Variants in TNFRSF8 observed in about 807,000 individuals in gnomAD.
The protein encoded by TNFRSF8 is TNF receptor superfamily member 8, also known as tumor necrosis factor receptor superfamily member 8.
A neutral mutation model predicts 70.8 loss-of-function variants in TNFRSF8; 26 were observed. The observed-to-expected ratio is 0.37, with a 90% CI of 0.27 to 0.51. The LOEUF (loss-of-function observed/expected upper bound fraction) is 0.51. TNFRSF8 is among the 20% of genes least tolerant of loss of function. The probability of loss-of-function intolerance (pLI) is 0.94; values close to 1 mark genes in which losing one functional copy is unlikely to be tolerated. For missense variants in TNFRSF8, 720 were observed against 807.9 expected, an observed-to-expected ratio of 0.89 and a Z score of 1.32; for synonymous variants, 356 against 339.2, an observed-to-expected ratio of 1.05 and a Z score of -0.54.
intron 2 of TNFRSF8, among the ~76,000 whole-genome samples, chr1:12,087,367 C>T (rs1232964798): frequency 2.0e-5 from 3 of 151,910 alleles, no homozygotes; most frequent in Non-Finnish European, 4.4e-5. Flanking sequence ...GGGGTTTCAC[C>T]GTGTTGGCCA....
At chr1:12,086,544 C>A (rs1271417553) in intron 2 of TNFRSF8, among the ~76,000 whole-genome samples, 1 of 151,066 alleles carries the variant, frequency 6.6e-6, no homozygotes, top group African/African-American at 2.4e-5. Context: ...ACCCACCCCT[C>A]CCATCCCCTT....
At position 12,084,518 on chromosome 1, in the gene TNFRSF8, G is replaced by A; in HGVS notation, c.118G>A (p.Ala40Thr). Residue 40 changes from alanine (A) to threonine (T), a missense_variant, in exon 2 of 15, where the codon GCT becomes ACT. Coordinates refer to ENST00000263932, the MANE Select transcript of TNFRSF8 (RefSeq NM_001243.5). ...AAACCCCAGCCACTACTATGACAAG[G>A]CTGTCAGGAGGTGCTGTTACCGCTG... Reference protein sequence around the residue: ...HGNPSHYYDKAVRRCCYRCPM... With the variant: ...HGNPSHYYDKTVRRCCYRCPM... 1 of 1,614,046 alleles carries A rather than the reference G, an allele frequency of 6.2e-7. No homozygotes were observed. Among genetic ancestry groups the A allele is most frequent in the African/African-American group, 1.3e-5 (1 of 75,024 alleles).
intron 1 of TNFRSF8, among the ~76,000 whole-genome samples, chr1:12,068,598 G>A (rs1640783558): frequency 6.6e-6 from 1 of 152,190 alleles, no homozygotes; most frequent in Non-Finnish European, 1.5e-5. Context: ...CCTTGCTGGT[G>A]GGGAGGGACT....
intron 3 of TNFRSF8, among the ~76,000 whole-genome samples, chr1:12,098,889 A>G (rs1641373130): frequency 6.6e-6 from 1 of 152,228 alleles, no homozygotes; most frequent in Admixed American, 6.5e-5. Context: ...TATTCCTTAC[A>G]CAAATTTTAC....
At chr1:12,083,356 T>A (rs1238335885) in intron 1 of TNFRSF8, among the ~76,000 whole-genome samples, 1 of 152,174 alleles carries the variant, frequency 6.6e-6, no homozygotes, top group Non-Finnish European at 1.5e-5. Flanking sequence ...ACAGGAATGT[T>A]CCCAGCAGCA....
At chr1:12,079,180 G>A (rs546327433) in intron 1 of TNFRSF8, among the ~76,000 whole-genome samples, 1 of 152,228 alleles carries the variant, frequency 6.6e-6, no homozygotes, top group Non-Finnish European at 1.5e-5. Flanking sequence ...TTTTGAAAGT[G>A]AACTTTAACT....
rs566500488 is a variant in TNFRSF8 at position 12,136,704 on chromosome 1, A to G, written c.1335+1091A>G. 2.6e-5 allele frequency among the ~76,000 whole-genome samples: 4 copies of G among 151,360 alleles called. No homozygotes were observed. The East Asian group carries it at 7.8e-4, about 29-fold the overall frequency. On this transcript the variant is annotated intron_variant, in intron 13 of 14. Transcript: ENST00000263932. ...AGCCTTCATATTATTATGAAAGAGT[A>G]TTCAAGAGTATGTATTAAGGTTGGT...
intron 12 of TNFRSF8, among the ~76,000 whole-genome samples, chr1:12,129,223 GTT>G (rs1642001637): frequency 6.6e-6 from 1 of 151,594 alleles, no homozygotes; most frequent in Non-Finnish European, 1.5e-5. Context: ...TTCTTTTTTT[GTT>G]TTGAAACAGT....
chr1:12,099,624 A>G (rs368360833), intron 3 of TNFRSF8, among the ~76,000 whole-genome samples: 2 of 152,038 alleles, frequency 1.3e-5, no homozygotes, highest in East Asian at 3.9e-4. Flanking sequence ...AATTATAGTC[A>G]TGTATTGCTT....
rs1023596481 is a variant in TNFRSF8, at chr1:12,142,198, G to C, written c.1544-89G>C. ...CTGAAGCCACCCGGCAGGTGTACCA[G>C]CACTGGGCCTCGGCCCTTCTCTGCC... On this transcript the variant is annotated intron_variant, in intron 14 of 14. Transcript: ENST00000263932. This position sits in a 1 kb window ranked among gnomAD's most constrained non-coding sequence, Gnocchi z 5.0. 1.0e-5 allele frequency: 15 copies of C among 1,467,850 alleles called. No homozygotes were observed. In the African/African-American group the frequency reaches 2.1e-4, roughly 21 times the overall value. The allele number at this position is 1,467,850 out of a possible 1,614,324, so 90.9% of individuals were successfully genotyped here. A position where few individuals can be genotyped will look rare whatever the true frequency, so the allele number is the denominator to read the frequency against.
intron 1 of TNFRSF8, among the ~76,000 whole-genome samples, chr1:12,079,444 GC>G (rs1641024697): frequency 6.6e-6 from 1 of 152,018 alleles, no homozygotes; most frequent in African/African-American, 2.4e-5. Flanking sequence ...CCAGGCAAGG[GC>G]CCGAGCACAT....
chr1:12,070,219 G>A (rs1239996578), intron 1 of TNFRSF8, among the ~76,000 whole-genome samples: 1 of 152,020 alleles, frequency 6.6e-6, no homozygotes, highest in African/African-American at 2.4e-5. Context: ...TCCAGGGGAG[G>A]GGTGAGCAGA....
chr1:12,117,219 A>AT (rs1553157307), intron 8 of TNFRSF8, among the ~76,000 whole-genome samples: 1 of 151,916 alleles, frequency 6.6e-6, no homozygotes, highest in Non-Finnish European at 1.5e-5. Context: ...AGTAGCTGGG[A>AT]TTACAGGTGC....
At chr1:12,123,679 A>G (rs1198114779) in intron 9 of TNFRSF8, 36 bp from the exon 10 acceptor site, 1 of 1,514,550 alleles carries the variant, frequency 6.6e-7, no homozygotes, top group Non-Finnish European at 9.0e-7. Flanking sequence ...CCCTCTTCCC[A>G]TCTTCATCAC....
chr1:12,111,495 A>C (rs1262987469), intron 6 of TNFRSF8, among the ~76,000 whole-genome samples: 1 of 152,056 alleles, frequency 6.6e-6, no homozygotes, highest in Non-Finnish European at 1.5e-5. Flanking sequence ...ACCAGTCTTT[A>C]AAAGAGGGAG....
chr1:12,064,725 C>CTA (rs993195218), intron 1 of TNFRSF8, among the ~76,000 whole-genome samples: 11 of 152,174 alleles, frequency 7.2e-5, no homozygotes, highest in African/African-American at 2.7e-4. Flanking sequence ...AAAGGAGGAA[C>CTA]TATGCCCTCT....
At chr1:12,081,823 G>A (rs1164403585) in intron 1 of TNFRSF8, among the ~76,000 whole-genome samples, 2 of 152,166 alleles carry the variant, frequency 1.3e-5, no homozygotes, top group African/African-American at 4.8e-5. Context: ...CTGGGGAAAA[G>A]TGGCTTCTGC....
At chr1:12,116,386 G>A (rs1009231789) in intron 8 of TNFRSF8, among the ~76,000 whole-genome samples, 1 of 152,232 alleles carries the variant, frequency 6.6e-6, no homozygotes, top group Non-Finnish European at 1.5e-5. Flanking sequence ...GGCTTTACCA[G>A]TGTGCAGGAA....
intron 3 of TNFRSF8, among the ~76,000 whole-genome samples, chr1:12,100,176 A>T (rs1422934431): frequency 2.6e-5 from 4 of 152,106 alleles, no homozygotes; most frequent in Admixed American, 1.3e-4. Context: ...CTAAAAAAAA[A>T]ATATGATATG....
Sources: gnomAD v4.1 joint callset for allele counts (sites outside exome capture counted in the v4.1 genomes callset) on GRCh38, gnomAD v4.1.1 for gene constraint, Gnocchi (gnomAD v3.1) non-coding constraint, MANE v1.5 for transcripts, NCBI Gene and HGNC (gene_info 2026-07-23, HGNC 2026-07-21) for gene names.